PBX1: variants seen among roughly 807,000 people sequenced by gnomAD.
PBX1 encodes PBX homeobox 1.
A neutral mutation model predicts 53.4 loss-of-function variants in PBX1; 6 were observed. That is an observed-to-expected ratio of 0.11 (90% CI 0.06 to 0.22). The LOEUF is 0.22. PBX1 is among the 10% of genes least tolerant of loss of function. PBX1 has a pLI of 1.00. For missense variants in PBX1, 251 were observed against 551.4 expected (o/e 0.46, Z 5.46); for synonymous variants, 204 against 212.3 (o/e 0.96, Z 0.34).
rs183936159 is a variant in PBX1, at chr1:164,637,287, A to G, written c.265+73976A>G. 4.1e-3 allele frequency among the ~76,000 whole-genome samples: 625 copies of G among 152,346 alleles called. 4 individuals are homozygous for G. The highest frequency in any genetic ancestry group is 6.0e-3 in the Non-Finnish European group (406 of 68,036). On this transcript the variant is annotated intron_variant, in intron 2 of 8. Coordinates refer to ENST00000420696, the MANE Select transcript of PBX1 (RefSeq NM_002585.4). ...CCTGATAGGCAGAGCCGAACTCTATATAGTGCCTCCTAAAGGGGTCATTTG... is the reference window on the plus strand; with the variant it reads ...CCTGATAGGCAGAGCCGAACTCTATGTAGTGCCTCCTAAAGGGGTCATTTG...
At chr1:164,760,872 C>T (rs1425919545) in intron 2 of PBX1, among the ~76,000 whole-genome samples, 1 of 152,196 alleles carries the variant, frequency 6.6e-6, no homozygotes, top group Non-Finnish European at 1.5e-5. Context: ...TCACCTCGGA[C>T]ATTTCCCAAT....
chr1:164,640,579 C>T (rs1468224135), intron 2 of PBX1, among the ~76,000 whole-genome samples: 36 of 107,304 alleles, frequency 3.4e-4, no homozygotes, highest in African/African-American at 1.1e-3. Flanking sequence ...TTTTTTTAGA[C>T]GAAATTTTGC....
At chr1:164,803,217 G>T (rs947052453) in intron 4 of PBX1, among the ~76,000 whole-genome samples, 2 of 152,122 alleles carry the variant, frequency 1.3e-5, no homozygotes, top group Non-Finnish European at 2.9e-5. Context: ...ATAAAGGTGG[G>T]TCCTACCTTC....
intron 2 of PBX1, among the ~76,000 whole-genome samples, chr1:164,741,536 G>A (rs1035100367): frequency 1.3e-5 from 2 of 152,206 alleles, no homozygotes; most frequent in African/African-American, 4.8e-5. Context: ...GGAAGTAACT[G>A]CAGGAGTAGT....
chr1:164,724,507 A>C (rs1664579586), intron 2 of PBX1, among the ~76,000 whole-genome samples: 1 of 152,156 alleles, frequency 6.6e-6, no homozygotes. Flanking sequence ...ATAATGGTTT[A>C]AGAAAGTTTG....
chr1:164,574,784 C>G (rs915221736), intron 2 of PBX1, among the ~76,000 whole-genome samples: 1 of 152,134 alleles, frequency 6.6e-6, no homozygotes, highest in Non-Finnish European at 1.5e-5. Flanking sequence ...GAGTTCGAGA[C>G]CAGCCTGGCC....
At chr1:164,602,163 C>T (rs1656219425) in intron 2 of PBX1, among the ~76,000 whole-genome samples, 1 of 152,106 alleles carries the variant, frequency 6.6e-6, no homozygotes, top group African/African-American at 2.4e-5. Context: ...GCTGCCTAAC[C>T]AGTTCTGGGC....
chr1:164,701,008 C>T (rs1241216508), intron 2 of PBX1, among the ~76,000 whole-genome samples: 1 of 152,160 alleles, frequency 6.6e-6, no homozygotes, highest in East Asian at 1.9e-4. Context: ...AGTGTGGTAG[C>T]CTCTAAAACA....
intron 2 of PBX1, among the ~76,000 whole-genome samples, chr1:164,645,094 A>T (rs1026590662): frequency 6.6e-6 from 1 of 152,168 alleles, no homozygotes; most frequent in African/African-American, 2.4e-5. Context: ...AAGGAGTGGG[A>T]GGACTCTATC....
At chr1:164,624,986 A>T (rs1657942702) in intron 2 of PBX1, among the ~76,000 whole-genome samples, 1 of 152,230 alleles carries the variant, frequency 6.6e-6, no homozygotes, top group African/African-American at 2.4e-5. Flanking sequence ...ATGACTTATT[A>T]TAAATTTTAG....
intron 2 of PBX1, among the ~76,000 whole-genome samples, chr1:164,885,356 A>G (rs1672753747): frequency 6.6e-6 from 1 of 152,196 alleles, no homozygotes; most frequent in African/African-American, 2.4e-5. Flanking sequence ...CTTCTCTGGG[A>G]AATATTTCTA....
At chr1:164,721,480 G>C (rs1370350502) in intron 2 of PBX1, among the ~76,000 whole-genome samples, 1 of 152,072 alleles carries the variant, frequency 6.6e-6, no homozygotes, top group Non-Finnish European at 1.5e-5. Flanking sequence ...GAAGAGAATG[G>C]AGGAAGAAGG....
In PBX1 at chr1:164,849,376, T is replaced by G. The variant is rs1422653975; in HGVS notation, c.*2700T>G. 1.3e-6 allele frequency: 2 copies of G among 1,535,658 alleles called. No homozygotes were observed. The highest frequency in any genetic ancestry group is 1.2e-5 in the South Asian group (1 of 84,058). On this transcript the variant is annotated 3_prime_UTR_variant, in exon 9 of 9. Coordinates refer to ENST00000420696, the MANE Select transcript of PBX1 (RefSeq NM_002585.4). ...GCACCCCCGGCAAGCCCACTATCACTTCCGACTTCCAACGTGGCATCCGTG... is the reference window on the plus strand; with the variant it reads ...GCACCCCCGGCAAGCCCACTATCACGTCCGACTTCCAACGTGGCATCCGTG...
At position 164,723,791 on chromosome 1, in the gene PBX1, C is replaced by T. The variant is rs546339056; in HGVS notation, c.266-68703C>T. 1.1e-4 allele frequency among the ~76,000 whole-genome samples: 17 copies of T among 152,282 alleles called. No homozygotes were observed. The South Asian group carries it at 3.5e-3, about 32-fold the overall frequency. On this transcript the variant is annotated intron_variant, in intron 2 of 8. Transcript: ENST00000420696. ...TTTAATGAAGCTGGAATTGTATAGTCTGTAGCGCTGGATAATCATAAGCTG... is the reference window on the plus strand; with the variant it reads ...TTTAATGAAGCTGGAATTGTATAGTTTGTAGCGCTGGATAATCATAAGCTG...
intron 2 of PBX1, chr1:164,773,110 C>G (rs1236917566): frequency 6.6e-6 from 1 of 152,124 alleles, no homozygotes; most frequent in Admixed American, 6.6e-5. Context: ...GTACTGGTGG[C>G]ACAATTTTGA....
At chr1:164,603,929 A>ATTTTTTTTTTTTTTTTTTTTTTTTTTTTT (rs71583414) in intron 2 of PBX1, among the ~76,000 whole-genome samples, 1 of 75,758 alleles carries the variant, frequency 1.3e-5, no homozygotes, top group Non-Finnish European at 2.3e-5. Flanking sequence ...ATGTCATTTC[A>ATTTTTTTTTTTTTTTTTTTTTTTTTTTTT]TTTTTTTTTT....
At chr1:164,606,925 ACT>A (rs926619509) in intron 2 of PBX1, among the ~76,000 whole-genome samples, 2 of 152,216 alleles carry the variant, frequency 1.3e-5, no homozygotes, top group Non-Finnish European at 2.9e-5. Context: ...GGTATAACTA[ACT>A]CTGACATGAG....
At chr1:164,610,180 C>T (rs1571060106) in intron 2 of PBX1, among the ~76,000 whole-genome samples, 1 of 152,320 alleles carries the variant, frequency 6.6e-6, no homozygotes, top group Middle Eastern at 3.4e-3. Flanking sequence ...CCCAATGCAG[C>T]AGGCTCTGGT....
chr1:164,737,255 T>A (rs1242520200), intron 2 of PBX1, among the ~76,000 whole-genome samples: 3 of 152,208 alleles, frequency 2.0e-5, no homozygotes, highest in African/African-American at 4.8e-5. Context: ...CACATCACGT[T>A]AGTAGTGTCT....
Sources: gnomAD v4.1 joint callset for allele counts (sites outside exome capture counted in the v4.1 genomes callset) on GRCh38, gnomAD v4.1.1 for gene constraint, MANE v1.5 for transcripts, NCBI Gene and HGNC (gene_info 2026-07-23, HGNC 2026-07-21) for gene names.